KIZ: variants seen among roughly 807,000 people sequenced by gnomAD.
KIZ encodes the protein kizuna centrosomal protein, also known as centrosomal protein kizuna.
Under a neutral mutation model 79.6 loss-of-function variants are expected in KIZ, and 68 were observed. The ratio of observed to expected loss-of-function variants is 0.85; its 90% CI spans 0.70 to 1.05. KIZ has a LOEUF of 1.05. Among genes scored for constraint, KIZ ranks in the 50% least tolerant of loss-of-function variants. The pLI is 0.00. For missense variants in KIZ, 797 were observed against 800.4 expected (o/e 1.00, Z 0.05); for synonymous variants, 280 against 281.8 (o/e 0.99, Z 0.06).
intron 11 of KIZ, among the ~76,000 whole-genome samples, chr20:21,233,978 A>C (rs1442276293): frequency 1.3e-5 from 2 of 152,170 alleles, no homozygotes; most frequent in Non-Finnish European, 2.9e-5. Flanking sequence ...TGTTATTATG[A>C]TTGTATTATA....
intron 3 of KIZ, among the ~76,000 whole-genome samples, chr20:21,139,630 A>C (rs2032403439): frequency 6.6e-6 from 1 of 152,164 alleles, no homozygotes; most frequent in Non-Finnish European, 1.5e-5. Context: ...TTGATTTCTT[A>C]TTATAACCAA....
chr20:21,220,279 C>T (rs2036460623), intron 9 of KIZ, among the ~76,000 whole-genome samples: 1 of 151,846 alleles, frequency 6.6e-6, no homozygotes, highest in Non-Finnish European at 1.5e-5. Flanking sequence ...AAGCCTCCCT[C>T]ATCTCTAACC....
chr20:21,147,284 A>G (rs80250906), intron 4 of KIZ, among the ~76,000 whole-genome samples: 3,172 of 152,322 alleles, frequency 0.021, 59 homozygotes, highest in Middle Eastern at 0.041. Flanking sequence ...TTTCATTTAT[A>G]TGGAAAGGTG....
chr20:21,194,739 C>G (rs2035266131), intron 6 of KIZ: 1 of 151,824 alleles, frequency 6.6e-6, no homozygotes, highest in African/African-American at 2.4e-5. Flanking sequence ...TCTGTAATCG[C>G]AGAACTTTGG....
At chr20:21,138,458 C>T (rs1015148918) in intron 3 of KIZ, among the ~76,000 whole-genome samples, 1 of 152,190 alleles carries the variant, frequency 6.6e-6, no homozygotes, top group Non-Finnish European at 1.5e-5. Context: ...AGCTACTGCT[C>T]ATATATGGCT....
chr20:21,146,998 C>A (rs866228824), intron 4 of KIZ, among the ~76,000 whole-genome samples: 1 of 152,142 alleles, frequency 6.6e-6, no homozygotes. Flanking sequence ...AGCATTCAGG[C>A]AGTTTTTCTA....
chr20:21,221,891 T>C (rs1158942598), intron 9 of KIZ, among the ~76,000 whole-genome samples: 1 of 147,778 alleles, frequency 6.8e-6, no homozygotes, highest in Non-Finnish European at 1.5e-5. Flanking sequence ...AGTACTGAGG[T>C]TTTACCGAGA....
Position 21,232,726 on chromosome 20 carries a change from T to C in KIZ, c.1784-8T>C. The C allele has an allele frequency of 6.7e-7, 1 of 1,484,698 alleles. No homozygotes were observed. The highest frequency in any genetic ancestry group is 9.3e-7 in the Non-Finnish European group (1 of 1,072,282). 92.0% of individuals were successfully genotyped at this position (1,484,698 alleles called of 1,614,324 possible). A position where few individuals can be genotyped will look rare whatever the true frequency, so the allele number is the denominator to read the frequency against. On this transcript the variant is annotated splice_polypyrimidine_tract_variant and splice_region_variant and intron_variant, in intron 10 of 12. Transcript: ENST00000619189. ...AACCCTCACTCTCCATGTTTACGCT[T>C]ATCACAGGTTTGAATATTGGCAGCG...
Position 21,233,521 on chromosome 20 carries a change from T to A in KIZ, c.1880+691T>A, listed in dbSNP as rs774056695. 2.0e-5 allele frequency among the ~76,000 whole-genome samples: 3 copies of A among 152,348 alleles called. No homozygotes were observed. The South Asian group carries it at 6.2e-4, about 32-fold the overall frequency. On this transcript the variant is annotated intron_variant, in intron 11 of 12. Transcript: ENST00000619189. ...TGATGAAATACCCTACTCTTTTGCT[T>A]TGAGCTAAATATTGTTTAAAATGGC... is the stretch of plus-strand genomic sequence containing the variant.
At chr20:21,154,956 G>A (rs6035790) in intron 4 of KIZ, among the ~76,000 whole-genome samples, 268 of 152,126 alleles carry the variant, frequency 1.8e-3, no homozygotes, top group African/African-American at 6.1e-3. Flanking sequence ...AGTATTTTAC[G>A]TTGCAAGTGT....
chr20:21,208,432 G>C (rs565499528), intron 7 of KIZ, among the ~76,000 whole-genome samples: 3 of 152,288 alleles, frequency 2.0e-5, no homozygotes, highest in Middle Eastern at 3.4e-3. Context: ...GGCTGGACGC[G>C]GTGGCTTACG....
At chr20:21,185,256 C>T (rs902228739) in intron 6 of KIZ, among the ~76,000 whole-genome samples, 9 of 151,942 alleles carry the variant, frequency 5.9e-5, no homozygotes, top group African/African-American at 7.3e-5. Flanking sequence ...TTTTTTCTGA[C>T]GGTTTTCCTT....
At chr20:21,228,931 A>T in intron 9 of KIZ, 80 bp from the exon 10 acceptor site, 4 of 661,010 alleles carry the variant, frequency 6.1e-6, no homozygotes, top group Non-Finnish European at 8.0e-6. Context: ...AAGAAGTGTT[A>T]ATCTCATAGG....
At chr20:21,166,934 T>G (rs1456738145) in intron 6 of KIZ, among the ~76,000 whole-genome samples, 4 of 152,222 alleles carry the variant, frequency 2.6e-5, no homozygotes, top group Non-Finnish European at 5.9e-5. Context: ...ACTCTCTTGT[T>G]TCCTGAAGAA....
At chr20:21,178,516 G>A (rs569423179) in intron 6 of KIZ, among the ~76,000 whole-genome samples, 18 of 151,410 alleles carry the variant, frequency 1.2e-4, no homozygotes, top group Middle Eastern at 3.4e-3. Flanking sequence ...TATATATCAT[G>A]TCATCTGCAA....
chr20:21,187,774 A>G (rs1017272223), intron 6 of KIZ, among the ~76,000 whole-genome samples: 3 of 152,214 alleles, frequency 2.0e-5, no homozygotes, highest in African/African-American at 7.2e-5. Flanking sequence ...CCTTTTCATC[A>G]TCATCATTTA....
rs148023693 is a variant in KIZ, at chr20:21,220,829, G to A, written c.1678+5181G>A. On this transcript the variant is annotated intron_variant, in intron 9 of 12. Coordinates refer to ENST00000619189, the MANE Select transcript of KIZ (RefSeq NM_018474.6). ...AAAAGACAACTGCATCAGGATGTCC[G>A]GATCAATTAAACATCAGTGTACATC... Among the ~76,000 whole-genome samples, 435 of 152,282 alleles carry A rather than the reference G, an allele frequency of 2.9e-3. 6 individuals carry two copies. Among genetic ancestry groups the A allele is most frequent in the African/African-American group, 9.5e-3 (396 of 41,546 alleles).
intron 11 of KIZ, among the ~76,000 whole-genome samples, chr20:21,241,000 A>G (rs967043091): frequency 6.6e-6 from 1 of 152,236 alleles, no homozygotes; most frequent in Admixed American, 6.5e-5. Flanking sequence ...ACAAGATGGA[A>G]ACATTACTTC....
intron 9 of KIZ, among the ~76,000 whole-genome samples, chr20:21,223,754 C>T (rs1328607679): frequency 6.6e-6 from 1 of 150,528 alleles, no homozygotes; most frequent in Non-Finnish European, 1.5e-5. Context: ...ACTGCAGTCT[C>T]CACTTCCCAG....
Sources: gnomAD v4.1 joint callset for allele counts (sites outside exome capture counted in the v4.1 genomes callset) on GRCh38, gnomAD v4.1.1 for gene constraint, MANE v1.5 for transcripts, NCBI Gene and HGNC (gene_info 2026-07-23, HGNC 2026-07-21) for gene names.